Variants in AKAP13 observed in about 807,000 individuals in gnomAD.
AKAP13 encodes the protein A-kinase anchor protein 13.
Under a neutral mutation model 264.5 loss-of-function variants are expected in AKAP13, and 80 were observed. The ratio of observed to expected loss-of-function variants is 0.30; its 90% confidence interval spans 0.25 to 0.36. The LOEUF is 0.36. Among genes scored for constraint, AKAP13 ranks in the 10% least tolerant of loss-of-function variants. AKAP13 has a pLI of 1.00. For missense variants in AKAP13, 3,712 were observed against 3,435.2 expected, an observed-to-expected ratio of 1.08 and a Z score of -2.01; for synonymous variants, 1,380 against 1,250.2, an observed-to-expected ratio of 1.10 and a Z score of -2.19.
At chr15:85,655,271 T>A (rs1211690183) in intron 10 of AKAP13, 146 bp from the exon 11 acceptor site, 1 of 895,372 alleles carries the variant, frequency 1.1e-6, no homozygotes, top group African/African-American at 1.7e-5. Context: ...ATTGTGATCA[T>A]CCTATTAAAA....
intron 14 of AKAP13, among the ~76,000 whole-genome samples, chr15:85,672,441 A>G (rs763537323): frequency 1.3e-5 from 2 of 152,246 alleles, no homozygotes; most frequent in Non-Finnish European, 2.9e-5. Flanking sequence ...AACTTGTGTT[A>G]AAGTGTGTGT....
chr15:85,538,257 T>C (rs953230125), intron 4 of AKAP13, among the ~76,000 whole-genome samples: 1 of 152,172 alleles, frequency 6.6e-6, no homozygotes, highest in African/African-American at 2.4e-5. Flanking sequence ...TATTTACTCA[T>C]GATATTGTAT....
At chr15:85,511,985 T>C (rs1202315093) in intron 2 of AKAP13, among the ~76,000 whole-genome samples, 1 of 152,202 alleles carries the variant, frequency 6.6e-6, no homozygotes, top group Non-Finnish European at 1.5e-5. Context: ...CTGGAATATT[T>C]GCTGCCTTTA....
At chr15:85,387,909 C>G (rs1280591351) in intron 1 of AKAP13, among the ~76,000 whole-genome samples, 1 of 152,120 alleles carries the variant, frequency 6.6e-6, no homozygotes, top group African/African-American at 2.4e-5. Flanking sequence ...ATCCTACACC[C>G]TTGCTAAACT....
At chr15:85,520,479 CAA>C (rs2151151503) in intron 2 of AKAP13, among the ~76,000 whole-genome samples, 1 of 100,736 alleles carries the variant, frequency 9.9e-6, no homozygotes, top group African/African-American at 4.2e-5. Flanking sequence ...GCCTGGGCAA[CAA>C]GAGGGAAACT....
Position 85,719,185 on chromosome 15 carries a change from G to A in AKAP13, c.6111G>A (p.Lys2037=), listed in dbSNP as rs929942400. The A allele has an allele frequency of 6.2e-6, 10 of 1,614,182 alleles. No homozygotes were observed. The highest frequency in any genetic ancestry group is 1.6e-4 in the Middle Eastern group (1 of 6,062). ...TTTTTGAGCAGCAGATGGTAGAAAA[G>A]CTGTTCCCCTGTTTGGATGAGCTGA... The part of the protein sequence containing the change: ...DLLFEQQMVE[K]LFPCLDELIS... The change falls in exon 23 of 37, where the codon AAG becomes AAA. Residue 2037 remains lysine (K), a synonymous_variant. Transcript: ENST00000394518.
chr15:85,407,367 A>G (rs919947935), intron 1 of AKAP13, among the ~76,000 whole-genome samples: 5 of 151,232 alleles, frequency 3.3e-5, no homozygotes, highest in East Asian at 3.9e-4. Context: ...GGCTGAGACT[A>G]CAGGCATGCG....
At position 85,498,786 on chromosome 15, in the gene AKAP13, C is replaced by T. The variant is rs528067573; in HGVS notation, c.33+13033C>T. The stretch of plus-strand genomic sequence containing the variant: ...GGGCGCTGGCTCTTGGTGTGAGGTC[C>T]GCAACCAGCAGCCACAGGCATGAGC... On this transcript the variant is annotated intron_variant, in intron 2 of 36. Transcript: ENST00000394518. 5.9e-5 allele frequency among the ~76,000 whole-genome samples: 9 copies of T among 152,210 alleles called. 1 individual carries two copies. Among genetic ancestry groups the T allele is most frequent in the East Asian group, 3.9e-4 (2 of 5,184 alleles).
chr15:85,530,480 G>A (rs770845851), intron 3 of AKAP13, among the ~76,000 whole-genome samples: 1 of 152,202 alleles, frequency 6.6e-6, no homozygotes, highest in Non-Finnish European at 1.5e-5. Flanking sequence ...GGATAGGGCT[G>A]TGGATATTCT....
At chr15:85,675,950 C>T (rs758518986) in intron 14 of AKAP13, among the ~76,000 whole-genome samples, 3 of 151,564 alleles carry the variant, frequency 2.0e-5, no homozygotes, top group Non-Finnish European at 2.9e-5. Context: ...CTCACTCCAT[C>T]GCCCGGGCTG....
chr15:85,736,327 A>G (rs931156000), intron 33 of AKAP13, among the ~76,000 whole-genome samples, 193 bp downstream of exon 33: 1 of 151,980 alleles, frequency 6.6e-6, no homozygotes, highest in African/African-American at 2.4e-5. Flanking sequence ...TAGGGGCACC[A>G]TCTTGGAATT....
intron 6 of AKAP13, among the ~76,000 whole-genome samples, chr15:85,575,579 C>G (rs1023669801): frequency 2.0e-5 from 3 of 152,126 alleles, no homozygotes; most frequent in Non-Finnish European, 4.4e-5. Flanking sequence ...GTAGTCCCAG[C>G]TACTCGGAAG....
At chr15:85,390,835 T>G (rs2070821753) in intron 1 of AKAP13, among the ~76,000 whole-genome samples, 1 of 152,168 alleles carries the variant, frequency 6.6e-6, no homozygotes, top group Non-Finnish European at 1.5e-5. Flanking sequence ...CCTGAACAAC[T>G]GGGTAAATGG....
At chr15:85,669,064 C>T (rs8023985) in intron 13 of AKAP13, among the ~76,000 whole-genome samples, 24,225 of 151,510 alleles carry the variant, frequency 0.16, 2,270 homozygotes, top group Non-Finnish European at 0.22. Flanking sequence ...GGTGATACCC[C>T]ATCTCTACTA....
In AKAP13 at chr15:85,581,173, A is replaced by G; in HGVS notation, c.3105A>G (p.Ala1035=). 6.2e-7 allele frequency: 1 copy of G among 1,614,196 alleles called. No individual in the cohort carries two copies. The change falls in exon 7 of 37, where the codon GCA becomes GCG. Residue 1035 remains alanine, a synonymous_variant. Coordinates refer to ENST00000394518, the MANE Select transcript of AKAP13 (RefSeq NM_007200.5). ...AGTCAAGGCAGGAAGCCTTGGGGGC[A>G]GAGCACAACAGCTCCGCTCTGTTGC... The part of the protein sequence containing the change: ...ATESRQEALG[A]EHNSSALLPC...
chr15:85,543,658 T>A, intron 4 of AKAP13, 114 bp from the exon 5 acceptor site: 1 of 1,221,620 alleles, frequency 8.2e-7, no homozygotes, highest in East Asian at 2.6e-5. Flanking sequence ...GTAGCTTAAC[T>A]TTACAATCTT....
At chr15:85,387,401 ACTCACTGCAGCCTTGATCTC>A (rs2070627212) in intron 1 of AKAP13, among the ~76,000 whole-genome samples, 1 of 151,986 alleles carries the variant, frequency 6.6e-6, no homozygotes, top group Admixed American at 6.6e-5. Flanking sequence ...TAGGATAACC[ACTCACTGCAGCCTTGATCTC>A]CTGGGCCCAA....
intron 1 of AKAP13, among the ~76,000 whole-genome samples, chr15:85,396,589 C>T (rs1377854031): frequency 2.6e-5 from 4 of 152,102 alleles, no homozygotes; most frequent in Non-Finnish European, 5.9e-5. Flanking sequence ...AAAGTCACTA[C>T]GAACTATTCT....
At position 85,415,535 on chromosome 15, in the gene AKAP13, G is replaced by A. The variant is rs904170170; in HGVS notation, c.-12+34737G>A. ...TTCAACATCAGGAGTGGGATGGGAA[G>A]GAAAACACAATAAGAAGAAAATTGA... On this transcript the variant is annotated intron_variant, in intron 1 of 36. Coordinates refer to ENST00000394518, the MANE Select transcript of AKAP13 (RefSeq NM_007200.5). 16 of 1,487,824 alleles carry A rather than the reference G, an allele frequency of 1.1e-5. No homozygotes were observed. The Admixed American group carries it at 1.2e-4, about 11-fold the overall frequency. The allele number at this position is 1,487,824 out of a possible 1,614,324, so 92.2% of individuals were successfully genotyped here.
Sources: allele counts gnomAD v4.1 joint callset (sites outside exome capture counted in the v4.1 genomes callset), GRCh38; gene constraint gnomAD v4.1.1; transcripts MANE v1.5; gene names NCBI Gene and HGNC (gene_info 2026-07-23, HGNC 2026-07-21).